The following ELOVL5 variants were observed in gnomAD, a reference collection of about 807,000 sequenced individuals.
ELOVL5 encodes ELOVL fatty acid elongase 5.
In ELOVL5, 8 loss-of-function variants were observed where a neutral mutation model predicts 38.6. The observed-to-expected ratio is 0.21, with a 90% CI of 0.12 to 0.37. The LOEUF (loss-of-function observed/expected upper bound fraction) is 0.37, where lower values mean the gene tolerates loss of function less well. Ranked by LOEUF, ELOVL5 falls within the 10% of genes least tolerant of loss-of-function variation. The pLI is 1.00. For synonymous variants in ELOVL5, 127 were observed against 133.7 expected (o/e 0.95, Z 0.34); for missense variants, 280 against 367.8 (o/e 0.76, Z 1.95).
chr6:53,341,933 CAAG>C (rs1769349586), intron 1 of ELOVL5, among the ~76,000 whole-genome samples: 1 of 152,190 alleles, frequency 6.6e-6, no homozygotes, highest in Non-Finnish European at 1.5e-5. Context: ...TCTAGGGTCT[CAAG>C]GAGGTAGAGT....
At chr6:53,307,450 T>C (rs1194211897) in intron 1 of ELOVL5, among the ~76,000 whole-genome samples, 1 of 152,250 alleles carries the variant, frequency 6.6e-6, no homozygotes, top group African/African-American at 2.4e-5. Flanking sequence ...ATGCTTAGAA[T>C]AGTGTGTGGC....
chr6:53,329,240 ACT>A (rs1409343979), intron 1 of ELOVL5, among the ~76,000 whole-genome samples: 2 of 152,188 alleles, frequency 1.3e-5, no homozygotes, highest in African/African-American at 4.8e-5. Context: ...TTACTTTTTC[ACT>A]GTCACCAAAA....
At chr6:53,298,459 T>C (rs1256379627) in intron 1 of ELOVL5, among the ~76,000 whole-genome samples, 1 of 152,182 alleles carries the variant, frequency 6.6e-6, no homozygotes, top group Non-Finnish European at 1.5e-5. Context: ...TATAAGAAAC[T>C]AGGGTTTGAA....
intron 1 of ELOVL5, among the ~76,000 whole-genome samples, chr6:53,335,401 C>T (rs964781230): frequency 6.6e-6 from 1 of 152,166 alleles, no homozygotes. Context: ...CAACTACCTG[C>T]CCCCTTTGCC....
intron 1 of ELOVL5, among the ~76,000 whole-genome samples, chr6:53,310,002 TAAC>T (rs1767764158): frequency 6.6e-6 from 1 of 152,148 alleles, no homozygotes; most frequent in African/African-American, 2.4e-5. Flanking sequence ...GGTAATTTGT[TAAC>T]AATAGATAAA....
At chr6:53,334,116 G>C (rs1292484599) in intron 1 of ELOVL5, among the ~76,000 whole-genome samples, 1 of 152,142 alleles carries the variant, frequency 6.6e-6, no homozygotes, top group Non-Finnish European at 1.5e-5. Flanking sequence ...AAAACTTTTA[G>C]GATGTAAACA....
chr6:53,283,906 A>G (rs1178452083), intron 3 of ELOVL5, among the ~76,000 whole-genome samples: 1 of 152,172 alleles, frequency 6.6e-6, no homozygotes, highest in Non-Finnish European at 1.5e-5. Context: ...AGAAAGAACT[A>G]CTTACGAAAA....
chr6:53,309,265 T>C (rs1767725720), intron 1 of ELOVL5, among the ~76,000 whole-genome samples: 1 of 152,174 alleles, frequency 6.6e-6, no homozygotes, highest in Non-Finnish European at 1.5e-5. Flanking sequence ...TTTCATCATA[T>C]TGAACTGGGG....
chr6:53,289,336 C>CTTCA (rs1766687356), intron 3 of ELOVL5, among the ~76,000 whole-genome samples: 1 of 152,216 alleles, frequency 6.6e-6, no homozygotes, highest in African/African-American at 2.4e-5. Context: ...CCCCATGGGG[C>CTTCA]TTCATGATCT....
At chr6:53,345,020 G>A (rs1006568393) in intron 1 of ELOVL5, among the ~76,000 whole-genome samples, 20 of 152,214 alleles carry the variant, frequency 1.3e-4, no homozygotes, top group African/African-American at 4.8e-4. Context: ...TAAAGGTGAA[G>A]CAGCTAGCTG....
intron 1 of ELOVL5, among the ~76,000 whole-genome samples, chr6:53,308,891 C>CG (rs1561880310): frequency 1.3e-5 from 1 of 78,466 alleles, no homozygotes; most frequent in Non-Finnish European, 2.4e-5. Flanking sequence ...GCAGGTGGGG[C>CG]GGGGGGCGGG....
chr6:53,300,748 C>T (rs539502081), intron 1 of ELOVL5, among the ~76,000 whole-genome samples: 34 of 152,204 alleles, frequency 2.2e-4, no homozygotes, highest in Admixed American at 2.1e-3. Context: ...CGTCTGGTGC[C>T]CAGGCCTTGC....
chr6:53,273,273 G>A lies in ELOVL5; in HGVS notation c.568C>T (p.Pro190Ser), dbSNP rs1201350893. The A allele has an allele frequency of 1.2e-6, 2 of 1,613,724 alleles. No homozygotes were observed. The highest frequency in any genetic ancestry group is 1.7e-6 in the Non-Finnish European group (2 of 1,179,818). ...CACCAGAGGTATGGACGCATGGAAG[G>A]GACTGACGACAAACCATAGTAAGAG... ...MYSYYGLSSVPSMRPYLWWKK... is the reference protein window; with the variant it reads ...MYSYYGLSSVSSMRPYLWWKK... The change falls in exon 6 of 8, where the codon CCT becomes TCT. Residue 190 changes from proline to serine, a missense_variant. By Grantham distance (74) the Pro-to-Ser change is moderately conservative. Around this residue, in one of 3 missense-constraint regions of ELOVL5, gnomAD observed 125 missense variants for 158.9 expected, o/e 0.79. Coordinates refer to ENST00000304434, the MANE Select transcript of ELOVL5 (RefSeq NM_021814.5).
intron 1 of ELOVL5, among the ~76,000 whole-genome samples, chr6:53,319,438 C>G (rs937055965): frequency 6.6e-6 from 1 of 151,490 alleles, no homozygotes; most frequent in Non-Finnish European, 1.5e-5. Context: ...AGTTGAAAAT[C>G]AATAAAAAAT....
At chr6:53,317,213 G>C (rs1768083946) in intron 1 of ELOVL5, among the ~76,000 whole-genome samples, 1 of 152,162 alleles carries the variant, frequency 6.6e-6, no homozygotes, top group South Asian at 2.1e-4. Flanking sequence ...GTCTGCTAAT[G>C]ACTGAATGCT....
At chr6:53,322,579 C>T (rs1768343685) in intron 1 of ELOVL5, among the ~76,000 whole-genome samples, 1 of 152,152 alleles carries the variant, frequency 6.6e-6, no homozygotes, top group Admixed American at 6.5e-5. Context: ...CACTTTTCGG[C>T]TCAATCACCA....
rs565703607 is a variant in ELOVL5 at position 53,268,852 on chromosome 6, C to T, written c.*275G>A. The T allele has an allele frequency of 3.6e-5, 10 of 275,532 alleles. No homozygotes were observed. The highest frequency in any genetic ancestry group is 6.7e-5 in the Non-Finnish European group (10 of 148,424). The allele number at this position is 275,532 out of a possible 1,614,324, so 17.1% of individuals were successfully genotyped here. A position where few individuals can be genotyped will look rare whatever the true frequency, so the allele number is the denominator to read the frequency against. On this transcript the variant is annotated 3_prime_UTR_variant, in exon 8 of 8. Transcript: ENST00000304434. ...CAATTCAGCACCTATCATGTTATAA[C>T]TAATAAGGCAACAGCAGTGTTGTAT...
chr6:53,276,309 C>A, intron 3 of ELOVL5, 53 bp from the exon 4 acceptor site: 3 of 1,165,778 alleles, frequency 2.6e-6, no homozygotes, highest in Non-Finnish European at 2.6e-6. Flanking sequence ...ATGTAAAGTC[C>A]TCATTGAACT....
intron 1 of ELOVL5, among the ~76,000 whole-genome samples, chr6:53,336,036 T>C (rs1258373701): frequency 6.6e-6 from 1 of 152,200 alleles, no homozygotes; most frequent in African/African-American, 2.4e-5. Flanking sequence ...ATACCATTAT[T>C]CAAACCACTA....
Sources: gnomAD v4.1 joint callset for allele counts (sites outside exome capture counted in the v4.1 genomes callset) on GRCh38, gnomAD v4.1.1 for gene constraint, gnomAD v4.1.1 regional missense constraint, MANE v1.5 for transcripts, NCBI Gene and HGNC (gene_info 2026-07-23, HGNC 2026-07-21) for gene names.